The following SH3BGRL variants were observed in gnomAD, a reference collection of about 807,000 sequenced individuals.
The protein encoded by SH3BGRL is adapter SH3BGRL.
Under a neutral mutation model 9.8 loss-of-function variants are expected in SH3BGRL, and 7 were observed. That is an observed-to-expected ratio of 0.72 (90% CI 0.41 to 1.35). The LOEUF (loss-of-function observed/expected upper bound fraction) is 1.35. SH3BGRL is among the 40% of genes most tolerant of loss of function. The pLI is 0.01. For synonymous variants in SH3BGRL, 36 were observed against 29.1 expected (o/e 1.24, Z -0.76); for missense variants, 73 against 84.4 (o/e 0.86, Z 0.53).
intron 1 of SH3BGRL, among the ~76,000 whole-genome samples, chrX:81,232,738 C>A (rs778880174): frequency 4.3e-4 from 48 of 110,897 alleles, no homozygotes; most frequent in Non-Finnish European, 8.2e-4. Context: ...GGAATAATGA[C>A]CTAGTCTTTC....
chrX:81,231,249 A>G (rs2075632085), intron 1 of SH3BGRL, among the ~76,000 whole-genome samples: 1 of 112,665 alleles, frequency 8.9e-6, no homozygotes, highest in African/African-American at 3.2e-5. Flanking sequence ...GCATGTCTAA[A>G]AAGATGGACT....
At chrX:81,241,941 A>T (rs1331027573) in intron 1 of SH3BGRL, among the ~76,000 whole-genome samples, 2 of 112,393 alleles carry the variant, frequency 1.8e-5, no homozygotes, top group Non-Finnish European at 3.8e-5. Flanking sequence ...GGCTGGGCGC[A>T]GTGTCTGGTC....
chrX:81,261,870 C>T (rs912895438), intron 1 of SH3BGRL, among the ~76,000 whole-genome samples: 31 of 111,163 alleles, frequency 2.8e-4, no homozygotes, highest in African/African-American at 9.5e-4. Context: ...TATCTGGCAT[C>T]AAAAAAGTGA....
At chrX:81,285,667 T>C (rs1406307021) in intron 3 of SH3BGRL, among the ~76,000 whole-genome samples, 2 of 112,142 alleles carry the variant, frequency 1.8e-5, no homozygotes, top group African/African-American at 6.5e-5. Context: ...ATCAAAGTAT[T>C]ATACTGTGTC....
At chrX:81,285,274 T>C (rs1237974705) in intron 3 of SH3BGRL, among the ~76,000 whole-genome samples, 2 of 111,719 alleles carry the variant, frequency 1.8e-5, no homozygotes, top group East Asian at 2.8e-4. Context: ...AAAAGTTATA[T>C]GATAAAATGA....
chrX:81,213,788 T>C (rs1329646961), intron 1 of SH3BGRL, among the ~76,000 whole-genome samples: 1 of 112,095 alleles, frequency 8.9e-6, no homozygotes, highest in East Asian at 2.8e-4. Flanking sequence ...AAATAAATAT[T>C]TTTTCACATA....
intron 1 of SH3BGRL, among the ~76,000 whole-genome samples, chrX:81,213,751 A>G (rs865887734): frequency 2.7e-5 from 3 of 112,294 alleles, no homozygotes; most frequent in Middle Eastern, 4.6e-3. Context: ...TATTACACAG[A>G]ATATAATTAT....
At chrX:81,248,297 G>T (rs947991923) in intron 1 of SH3BGRL, among the ~76,000 whole-genome samples, 1 of 112,004 alleles carries the variant, frequency 8.9e-6, no homozygotes, top group Non-Finnish European at 1.9e-5. Context: ...ACAGGTAAGA[G>T]CTGGCTGCAC....
chrX:81,277,104 A>T lies in SH3BGRL; in HGVS notation c.166A>T (p.Asn56Tyr). 1 of 1,208,917 alleles carries T rather than the reference A, an allele frequency of 8.3e-7. No individual in the cohort carries two copies. The highest frequency in any genetic ancestry group is 1.1e-6 in the Non-Finnish European group (1 of 894,369). Residue 56 changes from asparagine (N) to tyrosine (Y), a missense_variant, in exon 2 of 4, where the codon AAT becomes TAT. Coordinates refer to ENST00000373212, the MANE Select transcript of SH3BGRL (RefSeq NM_003022.3). Reference sequence around the variant, plus strand: ...GTGGATGAGAGAAAATGTACCTGAAAATAGTCGACCAGCCACAGGTTACCC... The same window carrying T: ...GTGGATGAGAGAAAATGTACCTGAATATAGTCGACCAGCCACAGGTTACCC... ...RKWMRENVPE[N>Y]SRPATGYPLP... is the part of the protein sequence containing the mutation.
At chrX:81,237,816 C>T (rs1009228859) in intron 1 of SH3BGRL, among the ~76,000 whole-genome samples, 1 of 105,789 alleles carries the variant, frequency 9.5e-6, no homozygotes, top group African/African-American at 3.5e-5. Context: ...CAGCTCACAG[C>T]TCCAAAAGAA....
At chrX:81,294,125 A>G (rs1003501641) in intron 3 of SH3BGRL, among the ~76,000 whole-genome samples, 13 of 111,901 alleles carry the variant, frequency 1.2e-4, no homozygotes, top group African/African-American at 4.2e-4. Flanking sequence ...AATGTAATAG[A>G]AAAGAAAAGC....
chrX:81,206,120 T>C (rs927041723), intron 1 of SH3BGRL, among the ~76,000 whole-genome samples: 7 of 111,919 alleles, frequency 6.3e-5, no homozygotes, highest in African/African-American at 2.3e-4. Flanking sequence ...CATATTAATC[T>C]CTTGTCAGAT....
intron 1 of SH3BGRL, among the ~76,000 whole-genome samples, chrX:81,223,732 G>A (rs1286528489): frequency 9.0e-6 from 1 of 110,765 alleles, no homozygotes; most frequent in East Asian, 2.8e-4. Flanking sequence ...ATAGGGTCAC[G>A]CTCTGTGTTC....
intron 1 of SH3BGRL, among the ~76,000 whole-genome samples, chrX:81,262,746 T>A (rs1480310393): frequency 1.8e-5 from 2 of 112,256 alleles, no homozygotes; most frequent in African/African-American, 6.5e-5. Context: ...ATATGGAGAC[T>A]TTTTACTATA....
At position 81,275,017 on chromosome X, in the gene SH3BGRL, A is replaced by G. The variant is rs766881553; in HGVS notation, c.46-1967A>G. On this transcript the variant is annotated intron_variant, in intron 1 of 3. Coordinates refer to ENST00000373212, the MANE Select transcript of SH3BGRL (RefSeq NM_003022.3). The stretch of plus-strand genomic sequence containing the variant: ...TCATTACTCTCCAACTGATGGCTGG[A>G]GAGTAATTACTTCAGTGAAGGTACA... Among the ~76,000 whole-genome samples the G allele has an allele frequency of 6.3e-5, 7 of 111,331 alleles. No homozygotes were observed. In the South Asian group the frequency reaches 2.7e-3, roughly 43 times the overall value.
At chrX:81,216,544 C>G (rs1337383671) in intron 1 of SH3BGRL, among the ~76,000 whole-genome samples, 1 of 110,939 alleles carries the variant, frequency 9.0e-6, no homozygotes. Flanking sequence ...TTCATTGACT[C>G]TATCTATATT....
At chrX:81,245,517 CTG>C (rs754235352) in intron 1 of SH3BGRL, among the ~76,000 whole-genome samples, 44 of 112,235 alleles carry the variant, frequency 3.9e-4, no homozygotes, top group Admixed American at 1.0e-3. Context: ...GAGCAGGTAA[CTG>C]TGCGAGTAGA....
chrX:81,244,204 G>GA (rs753470518), intron 1 of SH3BGRL, among the ~76,000 whole-genome samples: 8 of 111,292 alleles, frequency 7.2e-5, no homozygotes, highest in Non-Finnish European at 1.1e-4. Flanking sequence ...AAAATGTAGG[G>GA]AAAAAATCCA....
In SH3BGRL at chrX:81,215,255, C is replaced by T. The variant is rs190750261; in HGVS notation, c.45+13010C>T. 1.5e-3 allele frequency among the ~76,000 whole-genome samples: 162 copies of T among 110,703 alleles called. 2 individuals are homozygous for T. Among genetic ancestry groups the T allele is most frequent in the African/African-American group, 5.3e-3 (160 of 30,436 alleles). On this transcript the variant is annotated intron_variant, in intron 1 of 3. Transcript: ENST00000373212. ...TTGAACTAACTTGATCGTATGTGCACATACATGTACCATATAAACACTTGG... is the reference window on the plus strand; with the variant it reads ...TTGAACTAACTTGATCGTATGTGCATATACATGTACCATATAAACACTTGG...
Sources: allele counts gnomAD v4.1 joint callset (sites outside exome capture counted in the v4.1 genomes callset), GRCh38; gene constraint gnomAD v4.1.1; transcripts MANE v1.5; gene names NCBI Gene and HGNC (gene_info 2026-07-23, HGNC 2026-07-21).